Variants in METTL14 observed in about 807,000 individuals in gnomAD.
The protein encoded by METTL14 is N(6)-adenosine-methyltransferase non-catalytic subunit METTL14.
METTL14 carries 32 observed loss-of-function variants against 62.4 expected under a neutral mutation model. The ratio of observed to expected loss-of-function variants is 0.51; its 90% CI spans 0.39 to 0.69. METTL14 has a LOEUF of 0.69. Ranked by LOEUF, METTL14 falls within the 30% of genes least tolerant of loss-of-function variation. The probability of loss-of-function intolerance (pLI) is 0.00; values close to 1 mark genes in which losing one functional copy is unlikely to be tolerated. For missense variants in METTL14, 340 were observed against 551.9 expected (o/e 0.62, Z 3.85); for synonymous variants, 150 against 180.0 (o/e 0.83, Z 1.34).
chr4:118,714,580 G>C lies in METTL14; in HGVS notation c.*4278G>C, dbSNP rs1725003838. 1 of 152,088 alleles carries C rather than the reference G, an allele frequency of 6.6e-6. No homozygotes were observed. The highest frequency in any genetic ancestry group is 2.4e-5 in the African/African-American group (1 of 41,428). The allele number at this position is 152,088 out of a possible 1,614,324, so 9.4% of individuals were successfully genotyped here. On this transcript the variant is annotated 3_prime_UTR_variant, in exon 11 of 11. Transcript: ENST00000388822. Reference sequence around the variant, plus strand: ...TAACTTGGCTAACAAAATACCACATGCATATTTTCTTTTTTATTTTTATTT... The same window carrying C: ...TAACTTGGCTAACAAAATACCACATCCATATTTTCTTTTTTATTTTTATTT...
rs1206080044 is a variant in METTL14 at position 118,710,530 on chromosome 4, T to C, written c.*228T>C. The C allele has an allele frequency of 2.2e-6, 1 of 456,032 alleles. No individual in the cohort carries two copies. Among genetic ancestry groups the C allele is most frequent in the Admixed American group, 3.9e-5 (1 of 25,742 alleles). The allele number at this position is 456,032 out of a possible 1,614,324, so 28.2% of individuals were successfully genotyped here. A position where few individuals can be genotyped will look rare whatever the true frequency, so the allele number is the denominator to read the frequency against. On this transcript the variant is annotated 3_prime_UTR_variant, in exon 11 of 11. Coordinates refer to ENST00000388822, the MANE Select transcript of METTL14 (RefSeq NM_020961.4). ...CCTTTTGTTATGTGCGTGAACAGAA[T>C]GGAACAACTCAAGTAGCTTCATCTT... is the stretch of plus-strand genomic sequence containing the variant.
chr4:118,695,289 C>G (rs1465173990), intron 6 of METTL14, among the ~76,000 whole-genome samples: 1 of 152,082 alleles, frequency 6.6e-6, no homozygotes, highest in Non-Finnish European at 1.5e-5. Context: ...TGGCTCACCC[C>G]TCTAATCCCA....
intron 7 of METTL14, among the ~76,000 whole-genome samples, chr4:118,697,685 A>G (rs1355406367): frequency 2.0e-5 from 3 of 152,154 alleles, no homozygotes; most frequent in African/African-American, 7.2e-5. Context: ...TTGTTTATGT[A>G]TATAAAAACA....
chr4:118,696,352 C>T (rs951781398), intron 6 of METTL14, among the ~76,000 whole-genome samples: 45 of 151,898 alleles, frequency 3.0e-4, no homozygotes, highest in African/African-American at 1.1e-3. Flanking sequence ...AATTGATCCT[C>T]CCACGCTGGC....
At chr4:118,706,521 T>G (rs1330868002) in intron 10 of METTL14, among the ~76,000 whole-genome samples, 1 of 152,242 alleles carries the variant, frequency 6.6e-6, no homozygotes, top group Non-Finnish European at 1.5e-5. Context: ...GTTTTGGCAA[T>G]TATGAATAAG....
At position 118,710,429 on chromosome 4, in the gene METTL14, A is replaced by G. The variant is rs1490853343; in HGVS notation, c.*127A>G. ...TTTGCTTTAATTTCTCTGAGCTGCAAGAATGTCTTAGCGAGCCTTGCTTGC... is the reference window on the plus strand; with the variant it reads ...TTTGCTTTAATTTCTCTGAGCTGCAGGAATGTCTTAGCGAGCCTTGCTTGC... On this transcript the variant is annotated 3_prime_UTR_variant, in exon 11 of 11. Transcript: ENST00000388822. 1 of 919,070 alleles carries G rather than the reference A, an allele frequency of 1.1e-6. No homozygotes were observed. 56.9% of individuals were successfully genotyped at this position (919,070 alleles called of 1,614,324 possible). A position where few individuals can be genotyped will look rare whatever the true frequency, so the allele number is the denominator to read the frequency against.
At chr4:118,703,347 C>T (rs1724659116) in intron 8 of METTL14, among the ~76,000 whole-genome samples, 1 of 152,132 alleles carries the variant, frequency 6.6e-6, no homozygotes, top group Admixed American at 6.5e-5. Flanking sequence ...ATAACAGCTT[C>T]TAGGACATTA....
chr4:118,697,326 A>G lies in METTL14; in HGVS notation c.645+3A>G. 6 of 1,591,554 alleles carry G rather than the reference A, an allele frequency of 3.8e-6. No homozygotes were observed. The highest frequency in any genetic ancestry group is 5.1e-6 in the Non-Finnish European group (6 of 1,173,082). Reference sequence around the variant, plus strand: ...AAAAATGCTGGACTTGGGATGATGTATGATCAAACTTTCTACATTGTAATG... The same window carrying G: ...AAAAATGCTGGACTTGGGATGATGTGTGATCAAACTTTCTACATTGTAATG... On this transcript the variant is annotated splice_donor_region_variant and intron_variant, in intron 7 of 10. Coordinates refer to ENST00000388822, the MANE Select transcript of METTL14 (RefSeq NM_020961.4).
At chr4:118,697,009 CAAT>C (rs1295292430) in intron 6 of METTL14, among the ~76,000 whole-genome samples, 170 bp from the exon 7 acceptor site, 2 of 152,028 alleles carry the variant, frequency 1.3e-5, no homozygotes, top group Admixed American at 6.5e-5. Flanking sequence ...AAAAAAGACT[CAAT>C]AAAAAGGCCT....
In METTL14 at chr4:118,690,080, G is replaced by A. The variant is rs149225840; in HGVS notation, c.243+623G>A. ...TTGTGAGACAGAGTCTCACTCTGTC[G>A]CCCAGGCTGGAGTGCAGTGGTGTGA... On this transcript the variant is annotated intron_variant, in intron 3 of 10. Transcript: ENST00000388822. 8.5e-3 allele frequency among the ~76,000 whole-genome samples: 941 copies of A among 111,286 alleles called. 8 individuals carry two copies. The highest frequency in any genetic ancestry group is 0.03 in the African/African-American group (870 of 29,236). The allele number at this position is 111,286 out of a possible 152,430, so 73.0% of individuals were successfully genotyped here.
intron 1 of METTL14, chr4:118,686,668 CCAA>C: frequency 2.2e-6 from 1 of 455,890 alleles, no homozygotes; most frequent in South Asian, 1.6e-5. Context: ...CTTCTTTTCG[CCAA>C]CTTCTTTTAT....
intron 7 of METTL14, among the ~76,000 whole-genome samples, chr4:118,697,937 A>C (rs1724464217): frequency 1.3e-5 from 2 of 151,988 alleles, no homozygotes; most frequent in African/African-American, 4.8e-5. Flanking sequence ...AGCAGAAGGA[A>C]CAACAAGAAC....
chr4:118,695,196 G>GT (rs1724369876), intron 6 of METTL14, among the ~76,000 whole-genome samples: 3 of 151,864 alleles, frequency 2.0e-5, no homozygotes, highest in South Asian at 2.1e-4. Context: ...GGGGCTCTCA[G>GT]TTTTTTTTCA....
intron 6 of METTL14, among the ~76,000 whole-genome samples, chr4:118,695,687 TAAC>T (rs1724387608): frequency 6.6e-6 from 1 of 152,234 alleles, no homozygotes; most frequent in Non-Finnish European, 1.5e-5. Flanking sequence ...ATACTATTCT[TAAC>T]AATTTGGAAT....
Position 118,687,951 on chromosome 4 carries a change from G to T in METTL14, c.95G>T (p.Gly32Val), listed in dbSNP as rs1433012839. Residue 32 changes from glycine to valine, a missense_variant, in exon 2 of 11, where the codon GGT becomes GTT. By Grantham distance (109) the Gly-to-Val change is moderately radical. Around this residue, in one of 7 missense-constraint regions of METTL14, gnomAD observed 111 missense variants for 116.6 expected, o/e 0.95. Transcript: ENST00000388822. ...QLGAESADSI[G>V]AVLNSKDEQR... ...GGAGCTGAAAGTGCCGACAGCATTG[G>T]TGCCGTGTTAAATAGCAAAGATGAG... 2.5e-6 allele frequency: 4 copies of T among 1,613,802 alleles called. No individual in the cohort carries two copies. Among genetic ancestry groups the T allele is most frequent in the Non-Finnish European group, 3.4e-6 (4 of 1,179,994 alleles).
intron 2 of METTL14, 51 bp downstream of exon 2, chr4:118,688,062 T>A (rs1360023058): frequency 1.4e-6 from 2 of 1,432,776 alleles, no homozygotes; most frequent in African/African-American, 2.9e-5. Flanking sequence ...GGTTTCACTC[T>A]GTTGCTTAGG....
chr4:118,687,163 T>C (rs1354432225), intron 1 of METTL14, among the ~76,000 whole-genome samples: 1 of 152,258 alleles, frequency 6.6e-6, no homozygotes, highest in Non-Finnish European at 1.5e-5. Context: ...TGAATATCTC[T>C]TATCTGAAAT....
intron 2 of METTL14, 56 bp from the exon 3 acceptor site, chr4:118,689,314 G>A: frequency 1.2e-6 from 1 of 862,856 alleles, no homozygotes; most frequent in African/African-American, 1.7e-5. Flanking sequence ...ATTATTAATA[G>A]ATGCATTTAT....
Position 118,685,508 on chromosome 4 carries a change from G to A in METTL14, c.-27G>A, listed in dbSNP as rs1169205200. 1.9e-6 allele frequency: 3 copies of A among 1,611,276 alleles called. No homozygotes were observed. In the Admixed American group the frequency reaches 5.0e-5, roughly 27 times the overall value. On this transcript the variant is annotated 5_prime_UTR_variant, in exon 1 of 11. Transcript: ENST00000388822. ...GTTCACTGGAGATTGACAAGTACTC[G>A]GGATAGTGAAAAGCCGGAGTTGGAA...
Sources: allele counts gnomAD v4.1 joint callset (sites outside exome capture counted in the v4.1 genomes callset), GRCh38; gene constraint gnomAD v4.1.1; regional missense constraint gnomAD v4.1.1; transcripts MANE v1.5; gene names NCBI Gene and HGNC (gene_info 2026-07-23, HGNC 2026-07-21).